The following CLEC4D variants were observed in gnomAD, a reference collection of about 807,000 sequenced individuals.
The protein encoded by CLEC4D is C-type lectin domain family 4 member D.
Under a neutral mutation model 21.1 loss-of-function variants are expected in CLEC4D, and 21 were observed. That is an observed-to-expected ratio of 1.00 (90% CI 0.71 to 1.43). CLEC4D has a LOEUF of 1.43. Ranked by LOEUF, CLEC4D falls within the 40% of genes most tolerant of loss-of-function variation. CLEC4D has a pLI of 0.00. For missense variants in CLEC4D, 289 were observed against 260.7 expected, an observed-to-expected ratio of 1.11 and a Z score of -0.75; for synonymous variants, 85 against 83.1, an observed-to-expected ratio of 1.02 and a Z score of -0.12.
Position 8,520,464 on chromosome 12 carries a change from A to C in CLEC4D, c.500+123A>C, listed in dbSNP as rs758388662. 2.0e-5 allele frequency: 28 copies of C among 1,403,780 alleles called. No homozygotes were observed. In the East Asian group the frequency reaches 6.8e-4, roughly 34 times the overall value. 87.0% of individuals were successfully genotyped at this position (1,403,780 alleles called of 1,614,324 possible). A position where few individuals can be genotyped will look rare whatever the true frequency, so the allele number is the denominator to read the frequency against. ...TGTTAAGAGAGACCACTGTAGGTTGAGTAATCTCCATATGCTATGTCCCAG... is the reference window on the plus strand; with the variant it reads ...TGTTAAGAGAGACCACTGTAGGTTGCGTAATCTCCATATGCTATGTCCCAG... On this transcript the variant is annotated intron_variant, in intron 5 of 5. Coordinates refer to ENST00000299665, the MANE Select transcript of CLEC4D (RefSeq NM_080387.5).
the CLEC4D span, among the ~76,000 whole-genome samples, chr12:8,529,641 A>T: frequency 6.6e-6 from 1 of 152,300 alleles, no homozygotes; most frequent in East Asian, 1.9e-4. Context: ...GTCAATATTA[A>T]CTCCATAAAA....
downstream of CLEC4D, among the ~76,000 whole-genome samples, chr12:8,523,680 A>G (rs1364416897): frequency 6.6e-6 from 1 of 152,132 alleles, no homozygotes; most frequent in East Asian, 1.9e-4. Context: ...CTATTTGAAT[A>G]TGCTTTATTT....
downstream of CLEC4D, among the ~76,000 whole-genome samples, chr12:8,523,313 T>C (rs1296664902): frequency 1.3e-5 from 2 of 152,230 alleles, no homozygotes; most frequent in Non-Finnish European, 2.9e-5. Flanking sequence ...ACAATATTGA[T>C]TCTTCCTATC....
chr12:8,524,607 G>C (rs1321167647), downstream of CLEC4D, among the ~76,000 whole-genome samples: 1 of 151,932 alleles, frequency 6.6e-6, no homozygotes, highest in Non-Finnish European at 1.5e-5. Flanking sequence ...TATTAGTCTA[G>C]CTAGTCGTCT....
At chr12:8,525,618 C>T (rs967667593), downstream of CLEC4D, among the ~76,000 whole-genome samples, 7 of 152,068 alleles carry the variant, frequency 4.6e-5, no homozygotes, top group East Asian at 1.9e-4. Context: ...TACAGCACAC[C>T]GATGGGTCTT....
intron 1 of CLEC4D, among the ~76,000 whole-genome samples, chr12:8,514,759 T>G (rs1023416799): frequency 6.6e-6 from 1 of 152,164 alleles, no homozygotes; most frequent in Non-Finnish European, 1.5e-5. Context: ...TGATTGGGCA[T>G]ATTTTTGTTT....
intron 3 of CLEC4D, 88 bp downstream of exon 3, chr12:8,518,362 A>G: frequency 1.5e-6 from 1 of 674,478 alleles, no homozygotes; most frequent in East Asian, 2.8e-5. Flanking sequence ...GTGAACCAGG[A>G]AAGATTAAAA....
chr12:8,513,601 A>G lies in CLEC4D; in HGVS notation c.-132A>G, dbSNP rs906210967. On this transcript the variant is annotated 5_prime_UTR_variant, in exon 1 of 6. Transcript: ENST00000299665. The stretch of plus-strand genomic sequence containing the variant: ...ACTGGTACCTTTCTAATCTCACTAC[A>G]ATATGTAACATTGGTGTTCGATCTC... 4 of 570,834 alleles carry G rather than the reference A, an allele frequency of 7.0e-6. No individual in the cohort carries two copies. The highest frequency in any genetic ancestry group is 1.3e-5 in the Non-Finnish European group (4 of 311,816). The allele number at this position is 570,834 out of a possible 1,614,324, so 35.4% of individuals were successfully genotyped here. A position where few individuals can be genotyped will look rare whatever the true frequency, so the allele number is the denominator to read the frequency against.
intron 5 of CLEC4D, 131 bp downstream of exon 5, chr12:8,520,472 CCATATGCTATGTCCCAGTTCCAGAATGGT>C: frequency 7.3e-7 from 1 of 1,366,794 alleles, no homozygotes; most frequent in East Asian, 2.6e-5. Context: ...TGAGTAATCT[CCATATGCTATGTCCCAGTTCCAGAATGGT>C]CCTATAATTT....
chr12:8,517,835 A>G (rs1940401466), intron 2 of CLEC4D, among the ~76,000 whole-genome samples: 1 of 151,810 alleles, frequency 6.6e-6, no homozygotes, highest in African/African-American at 2.4e-5. Flanking sequence ...AGTCCCAGCT[A>G]CTCGGGAGGC....
downstream of CLEC4D, among the ~76,000 whole-genome samples, chr12:8,525,487 T>C (rs751026856): frequency 1.3e-5 from 2 of 152,306 alleles, no homozygotes; most frequent in African/African-American, 4.8e-5. Flanking sequence ...TAGTCTGTTT[T>C]GTCAGAGACT....
chr12:8,528,434 T>C, the CLEC4D span, among the ~76,000 whole-genome samples: 3 of 152,172 alleles, frequency 2.0e-5, no homozygotes, highest in Non-Finnish European at 2.9e-5. Context: ...GAAATAAATT[T>C]CTTTTCTTTA....
intron 4 of CLEC4D, among the ~76,000 whole-genome samples, 153 bp downstream of exon 4, chr12:8,519,313 CCAA>C (rs1218127386): frequency 6.6e-6 from 1 of 152,106 alleles, no homozygotes; most frequent in Admixed American, 6.5e-5. Flanking sequence ...TGTCATATGG[CCAA>C]CTTCTTTTGG....
intron 2 of CLEC4D, among the ~76,000 whole-genome samples, chr12:8,517,612 G>T (rs987085920): frequency 5.3e-5 from 8 of 152,104 alleles, no homozygotes; most frequent in African/African-American, 1.7e-4. Flanking sequence ...AAACATGCTT[G>T]CAAGCATGTG....
At chr12:8,531,231 ACT>A in the CLEC4D span, among the ~76,000 whole-genome samples, 3 of 151,794 alleles carry the variant, frequency 2.0e-5, no homozygotes, top group Admixed American at 6.6e-5. Flanking sequence ...CTGGGATCTA[ACT>A]CTCTGAGGGG....
chr12:8,518,356 A>G, intron 3 of CLEC4D, 82 bp downstream of exon 3: 1 of 688,914 alleles, frequency 1.5e-6, no homozygotes, highest in South Asian at 1.7e-5. Context: ...TCAGTAGTGA[A>G]CCAGGAAAGA....
Position 8,513,675 on chromosome 12 carries a change from A to G in CLEC4D, c.-58A>G, listed in dbSNP as rs1399354069. The G allele has an allele frequency of 8.4e-6, 7 of 834,006 alleles. No individual in the cohort carries two copies. Among genetic ancestry groups the G allele is most frequent in the South Asian group, 2.8e-5 (2 of 70,858 alleles). The allele number at this position is 834,006 out of a possible 1,614,324, so 51.7% of individuals were successfully genotyped here. A position where few individuals can be genotyped will look rare whatever the true frequency, so the allele number is the denominator to read the frequency against. On this transcript the variant is annotated 5_prime_UTR_variant, in exon 1 of 6. Coordinates refer to ENST00000299665, the MANE Select transcript of CLEC4D (RefSeq NM_080387.5). ...TATCCACAGAAATATACTCTGGGGG[A>G]AAAAAAATAGAACAAATTCTTGCCG...
At chr12:8,514,869 A>T (rs1940355365) in intron 1 of CLEC4D, among the ~76,000 whole-genome samples, 2 of 152,112 alleles carry the variant, frequency 1.3e-5, no homozygotes, top group South Asian at 4.1e-4. Flanking sequence ...TACTTTATCC[A>T]GTGCGGATAT....
In CLEC4D at chr12:8,521,102, A is replaced by G. The variant is rs757759721; in HGVS notation, c.501-22A>G. 5 of 1,609,024 alleles carry G rather than the reference A, an allele frequency of 3.1e-6. No homozygotes were observed. The Admixed American group carries it at 8.5e-5, about 27-fold the overall frequency. ...TGTCTATATATACCTATAAATCTCT[A>G]TCTATGTTGTTGTTCTTTCAGATTC... On this transcript the variant is annotated intron_variant, in intron 5 of 5. Coordinates refer to ENST00000299665, the MANE Select transcript of CLEC4D (RefSeq NM_080387.5).
Sources: gnomAD v4.1 joint callset for allele counts (sites outside exome capture counted in the v4.1 genomes callset) on GRCh38, gnomAD v4.1.1 for gene constraint, MANE v1.5 for transcripts, NCBI Gene and HGNC (gene_info 2026-07-23, HGNC 2026-07-21) for gene names.